Variants in RBFOX1 observed in about 807,000 individuals in gnomAD.
The protein encoded by RBFOX1 is RNA binding fox-1 homolog 1, also known as RNA binding protein fox-1 homolog 1.
Under a neutral mutation model 57.7 loss-of-function variants are expected in RBFOX1, and 8 were observed. The ratio of observed to expected loss-of-function variants is 0.14; its 90% CI spans 0.08 to 0.25. RBFOX1 has a LOEUF of 0.25. Ranked by LOEUF, RBFOX1 falls within the 10% of genes least tolerant of loss-of-function variation. RBFOX1 has a pLI of 1.00. For synonymous variants in RBFOX1, 326 were observed against 222.4 expected (o/e 1.47, Z -4.15); for missense variants, 611 against 548.5 (o/e 1.11, Z -1.14).
chr16:5,524,908 C>A (rs1180532205), intron 2 of RBFOX1, among the ~76,000 whole-genome samples: 1 of 152,096 alleles, frequency 6.6e-6, no homozygotes, highest in East Asian at 1.9e-4. Flanking sequence ...ACTTCCCAGC[C>A]CCACAAGTCC....
intron 4 of RBFOX1, among the ~76,000 whole-genome samples, chr16:5,961,584 A>G (rs533656501): frequency 1.5e-4 from 23 of 152,230 alleles, no homozygotes; most frequent in Non-Finnish European, 2.6e-4. Flanking sequence ...CAGTGGTGCA[A>G]TCATGGCTCA....
chr16:6,819,407 GTCA>G (rs2090822303), intron 3 of RBFOX1, among the ~76,000 whole-genome samples: 1 of 152,086 alleles, frequency 6.6e-6, no homozygotes, highest in Non-Finnish European at 1.5e-5. Flanking sequence ...GTTGCAAAAG[GTCA>G]TCTTCAGAAA....
At chr16:5,989,820 A>G (rs189009124) in intron 4 of RBFOX1, among the ~76,000 whole-genome samples, 76 of 136,614 alleles carry the variant, frequency 5.6e-4, no homozygotes, top group African/African-American at 2.0e-3. Context: ...TTTATAAGAA[A>G]TGAGAGACTA....
intron 1 of RBFOX1, among the ~76,000 whole-genome samples, chr16:5,246,556 C>T (rs764070312): frequency 6.6e-6 from 1 of 152,154 alleles, no homozygotes; most frequent in Non-Finnish European, 1.5e-5. Context: ...ATCTCTTGAA[C>T]TTATTCTTCC....
At position 7,156,617 on chromosome 16, in the gene RBFOX1, A is replaced by G. The variant is rs143462484; in HGVS notation, c.27+104519A>G. On this transcript the variant is annotated intron_variant, in intron 4 of 15. Transcript: ENST00000550418. ...TACATATATGTGTACATATATATGT[A>G]TATACATATGCTGGAAGTCTATGTA... 1.2e-3 allele frequency among the ~76,000 whole-genome samples: 177 copies of G among 152,244 alleles called. 1 individual carries two copies. The highest frequency in any genetic ancestry group is 4.1e-3 in the African/African-American group (169 of 41,564).
rs114228405 is a variant in RBFOX1 at position 7,013,195 on chromosome 16, G to A, written c.-15-38862G>A. ...TGATACTCATTGGCTTTGTGACTGA[G>A]ATTGAGCCATTTAGTTCTCTAAGCA... On this transcript the variant is annotated intron_variant, in intron 3 of 15. Transcript: ENST00000550418. Among the ~76,000 whole-genome samples, 727 of 152,290 alleles carry A rather than the reference G, an allele frequency of 4.8e-3. 3 individuals are homozygous for A. The highest frequency in any genetic ancestry group is 0.017 in the African/African-American group (695 of 41,554).
At chr16:7,287,154 G>A (rs1459176133) in intron 4 of RBFOX1, among the ~76,000 whole-genome samples, 1 of 152,196 alleles carries the variant, frequency 6.6e-6, no homozygotes. Context: ...TTAATAGAGA[G>A]AGAAGATTAG....
chr16:6,884,134 C>A (rs758373426), intron 3 of RBFOX1, among the ~76,000 whole-genome samples: 1 of 152,172 alleles, frequency 6.6e-6, no homozygotes, highest in Admixed American at 6.5e-5. Flanking sequence ...GATGCTCGAC[C>A]GAGCAGAGCT....
intron 4 of RBFOX1, among the ~76,000 whole-genome samples, chr16:7,361,936 A>T (rs907934676): frequency 1.4e-5 from 2 of 141,568 alleles, no homozygotes; most frequent in Non-Finnish European, 3.0e-5. Context: ...GTTAGTGTGT[A>T]TGTGTGTGCA....
At chr16:5,635,505 G>A (rs1049384160) in intron 3 of RBFOX1, among the ~76,000 whole-genome samples, 1 of 152,230 alleles carries the variant, frequency 6.6e-6, no homozygotes, top group Non-Finnish European at 1.5e-5. Context: ...TTCTGGCTTT[G>A]AGTGACAAAT....
intron 1 of RBFOX1, among the ~76,000 whole-genome samples, chr16:6,106,815 C>A (rs1011608040): frequency 6.6e-6 from 1 of 152,066 alleles, no homozygotes; most frequent in Non-Finnish European, 1.5e-5. Flanking sequence ...CCACAGATGC[C>A]CATCACCATG....
At chr16:5,759,841 A>G (rs1470950890) in intron 3 of RBFOX1, among the ~76,000 whole-genome samples, 1 of 152,106 alleles carries the variant, frequency 6.6e-6, no homozygotes. Context: ...CAGTGCAGGG[A>G]AGCCTTTGAT....
intron 4 of RBFOX1, among the ~76,000 whole-genome samples, chr16:7,429,090 C>G (rs1010966720): frequency 1.3e-5 from 2 of 152,126 alleles, no homozygotes; most frequent in South Asian, 2.1e-4. Context: ...TGGAGAGGAC[C>G]CGACTCCAGA....
intron 4 of RBFOX1, among the ~76,000 whole-genome samples, chr16:7,269,690 A>G (rs1003731015): frequency 2.0e-5 from 3 of 152,176 alleles, no homozygotes; most frequent in African/African-American, 4.8e-5. Flanking sequence ...CTCCCTTACT[A>G]TTATTAAGAA....
At chr16:5,879,735 C>T (rs2057715835) in intron 4 of RBFOX1, among the ~76,000 whole-genome samples, 1 of 152,188 alleles carries the variant, frequency 6.6e-6, no homozygotes, top group Admixed American at 6.5e-5. Context: ...TATTTCTCTC[C>T]CATGCTATGT....
chr16:5,507,886 G>A (rs547663237), intron 2 of RBFOX1, among the ~76,000 whole-genome samples: 1 of 152,150 alleles, frequency 6.6e-6, no homozygotes, highest in Non-Finnish European at 1.5e-5. Flanking sequence ...TGGCCCTGCT[G>A]ACACCTCCAT....
At chr16:6,555,985 G>C (rs992044478) in intron 2 of RBFOX1, among the ~76,000 whole-genome samples, 2 of 152,108 alleles carry the variant, frequency 1.3e-5, no homozygotes, top group South Asian at 2.1e-4. Flanking sequence ...TTCTTTATTG[G>C]AACCGACTAC....
intron 4 of RBFOX1, among the ~76,000 whole-genome samples, chr16:7,105,241 C>T (rs1402935388): frequency 1.3e-5 from 2 of 151,368 alleles, no homozygotes; most frequent in Non-Finnish European, 1.5e-5. Flanking sequence ...ACATGGCAAC[C>T]TATGGAGGCC....
At chr16:5,831,473 T>TTTATTATTATTATTA (rs149535816) in intron 3 of RBFOX1, among the ~76,000 whole-genome samples, 2,654 of 141,468 alleles carry the variant, frequency 0.019, 33 homozygotes, top group Middle Eastern at 0.043. Flanking sequence ...TCTTTTCTCT[T>TTTATTATTATTATTA]TTATTATTAT....
Sources: gnomAD v4.1 joint callset for allele counts (sites outside exome capture counted in the v4.1 genomes callset) on GRCh38, gnomAD v4.1.1 for gene constraint, MANE v1.5 for transcripts, NCBI Gene and HGNC (gene_info 2026-07-23, HGNC 2026-07-21) for gene names.